The following FMN1 variants were observed in gnomAD, a reference collection of about 807,000 sequenced individuals.
FMN1 encodes the protein formin 1.
FMN1 carries 110 observed loss-of-function variants against 132.4 expected under a neutral mutation model. The ratio of observed to expected loss-of-function variants is 0.83; its 90% confidence interval spans 0.71 to 0.97. The LOEUF is 0.97. Among genes scored for constraint, FMN1 ranks in the 50% least tolerant of loss-of-function variants. FMN1 has a pLI of 0.00. For missense variants in FMN1, 1,792 were observed against 1,705.3 expected, an observed-to-expected ratio of 1.05 and a Z score of -0.90; for synonymous variants, 722 against 651.7, an observed-to-expected ratio of 1.11 and a Z score of -1.64.
intron 17 of FMN1, among the ~76,000 whole-genome samples, chr15:32,812,847 G>T (rs1299863925): frequency 6.6e-6 from 1 of 152,152 alleles, no homozygotes; most frequent in South Asian, 2.1e-4. Context: ...AATATTTCAG[G>T]TGTCATGTAT....
intron 3 of FMN1, among the ~76,000 whole-genome samples, chr15:33,166,089 T>C (rs1429159134): frequency 6.6e-6 from 1 of 152,230 alleles, no homozygotes; most frequent in African/African-American, 2.4e-5. Context: ...AAAGAAGTTC[T>C]TTGGTTTGAA....
chr15:33,106,972 A>C (rs889254727), intron 4 of FMN1, among the ~76,000 whole-genome samples: 1 of 152,028 alleles, frequency 6.6e-6, no homozygotes, highest in Non-Finnish European at 1.5e-5. Context: ...GTATCTGGCC[A>C]TAAGCTCTCG....
At chr15:32,947,368 T>C (rs28475199) in intron 9 of FMN1, among the ~76,000 whole-genome samples, 3,746 of 152,040 alleles carry the variant, frequency 0.025, 66 homozygotes, top group Non-Finnish European at 0.034. Context: ...TTTCACTCAT[T>C]ATTTATTTAT....
chr15:32,815,231 C>T (rs1024560998), intron 17 of FMN1, among the ~76,000 whole-genome samples: 3 of 152,208 alleles, frequency 2.0e-5, no homozygotes, highest in African/African-American at 4.8e-5. Context: ...CGTGAGCCAT[C>T]GCGCCCGGCC....
At chr15:33,039,708 G>A (rs527656912) in intron 6 of FMN1, among the ~76,000 whole-genome samples, 9 of 152,198 alleles carry the variant, frequency 5.9e-5, no homozygotes, top group African/African-American at 2.2e-4. Context: ...AGAGGTATGA[G>A]CCATCACCTA....
chr15:33,130,162 A>C (rs1049012002), intron 4 of FMN1, among the ~76,000 whole-genome samples: 1 of 152,186 alleles, frequency 6.6e-6, no homozygotes, highest in Non-Finnish European at 1.5e-5. Context: ...AAGTTCCTGC[A>C]AATTCAGAAA....
intron 7 of FMN1, among the ~76,000 whole-genome samples, chr15:32,986,299 G>A (rs1336845270): frequency 6.6e-6 from 1 of 152,118 alleles, no homozygotes; most frequent in Non-Finnish European, 1.5e-5. Flanking sequence ...AAGCTTATAT[G>A]CTTGAAAACA....
intron 20 of FMN1, 92 bp downstream of exon 20, chr15:32,776,743 G>A: frequency 1.5e-6 from 1 of 685,384 alleles, no homozygotes; most frequent in South Asian, 1.8e-5. Context: ...TGAGAATCTG[G>A]ATACTATGTT....
rs573641292 is a variant in FMN1 at position 33,189,991 on chromosome 15, A to T, written c.-197+3918T>A. 3.3e-5 allele frequency among the ~76,000 whole-genome samples: 5 copies of T among 152,322 alleles called. No individual in the cohort carries two copies. In the East Asian group the frequency reaches 9.7e-4, roughly 29 times the overall value. On this transcript the variant is annotated intron_variant, in intron 2 of 20. Coordinates refer to ENST00000616417, the MANE Select transcript of FMN1 (RefSeq NM_001277313.2). ...ATAGGGATGTGCTTTCGGTCAGTGA[A>T]GAGATCAAAGCAGCAATGCACACTT...
At chr15:32,815,367 A>AT (rs1318588700) in intron 17 of FMN1, among the ~76,000 whole-genome samples, 1 of 151,894 alleles carries the variant, frequency 6.6e-6, no homozygotes, top group Non-Finnish European at 1.5e-5. Flanking sequence ...CCTCATGTTA[A>AT]TTTTTTTTAA....
chr15:32,785,219 T>TATATATA (rs1491354596), intron 19 of FMN1, among the ~76,000 whole-genome samples: 23 of 12,206 alleles, frequency 1.9e-3, no homozygotes, highest in South Asian at 3.5e-3. Context: ...TATATATATA[T>TATATATA]TTTTTTTTTT....
Position 33,153,044 on chromosome 15 carries a change from TA to T in FMN1, c.1867+3del, listed in dbSNP as rs770790748. On this transcript the variant is annotated splice_donor_region_variant and intron_variant, in intron 4 of 20. Transcript: ENST00000616417. ...GATTCAAAGCATCTTAAACAGAGAC[TA>T]ACCTGGAGGTGACTGGTGCTGGGGC... 15 of 1,506,176 alleles carry T rather than the reference TA, an allele frequency of 1.0e-5. No homozygotes were observed. In the South Asian group the frequency reaches 1.8e-4, roughly 18 times the overall value. 93.3% of individuals were successfully genotyped at this position (1,506,176 alleles called of 1,614,324 possible).
At chr15:32,895,056 AT>A (rs1407597764) in intron 15 of FMN1, among the ~76,000 whole-genome samples, 1 of 152,168 alleles carries the variant, frequency 6.6e-6, no homozygotes, top group Non-Finnish European at 1.5e-5. Flanking sequence ...ACCTACCAAA[AT>A]TTTTCCAATA....
chr15:33,032,026 A>C (rs531101308), intron 6 of FMN1, among the ~76,000 whole-genome samples: 1 of 152,342 alleles, frequency 6.6e-6, no homozygotes, highest in African/African-American at 2.4e-5. Flanking sequence ...CAAAAATAAT[A>C]ATTACTACTG....
At chr15:33,104,162 G>A (rs1419117079) in intron 4 of FMN1, among the ~76,000 whole-genome samples, 1 of 152,038 alleles carries the variant, frequency 6.6e-6, no homozygotes, top group Non-Finnish European at 1.5e-5. Context: ...TTCACCAAAT[G>A]ATAAAATAGA....
chr15:33,095,662 T>C (rs535607288), intron 4 of FMN1, among the ~76,000 whole-genome samples: 68 of 152,142 alleles, frequency 4.5e-4, no homozygotes, highest in Non-Finnish European at 8.7e-4. Flanking sequence ...CATAAGTCAT[T>C]GTGCCTGGCC....
intron 6 of FMN1, among the ~76,000 whole-genome samples, chr15:33,059,502 G>A (rs1431991571): frequency 2.6e-5 from 4 of 152,034 alleles, no homozygotes; most frequent in East Asian, 1.9e-4. Flanking sequence ...ACTAATTTAC[G>A]TTCCCACAAA....
intron 6 of FMN1, among the ~76,000 whole-genome samples, chr15:33,026,026 C>A (rs1566840731): frequency 6.6e-6 from 1 of 151,964 alleles, no homozygotes; most frequent in African/African-American, 2.4e-5. Context: ...AATGATATGG[C>A]TCTCAAAACT....
At chr15:32,986,798 C>T (rs1283253755) in intron 7 of FMN1, among the ~76,000 whole-genome samples, 1 of 152,046 alleles carries the variant, frequency 6.6e-6, no homozygotes, top group African/African-American at 2.4e-5. Flanking sequence ...CCTCCCCCAC[C>T]TTAGATTATA....
Sources: gnomAD v4.1 joint callset for allele counts (sites outside exome capture counted in the v4.1 genomes callset) on GRCh38, gnomAD v4.1.1 for gene constraint, MANE v1.5 for transcripts, NCBI Gene and HGNC (gene_info 2026-07-23, HGNC 2026-07-21) for gene names.